Variants in SMG1 observed in about 807,000 individuals in gnomAD.
The protein encoded by SMG1 is SMG1 nonsense mediated mRNA decay associated PI3K related kinase.
SMG1 carries 22 observed loss-of-function variants against 419.9 expected under a neutral mutation model. That is an observed-to-expected ratio of 0.05 (90% CI 0.04 to 0.07). SMG1 has a LOEUF of 0.07. SMG1 is among the 10% of genes least tolerant of loss of function. The pLI is 1.00. For synonymous variants in SMG1, 1,538 were observed against 1,553.5 expected (o/e 0.99, Z 0.23); for missense variants, 3,185 against 4,342.0 (o/e 0.73, Z 7.49).
At chr16:18,898,900 GA>G (rs1186960739) in intron 1 of SMG1, among the ~76,000 whole-genome samples, 2 of 152,148 alleles carry the variant, frequency 1.3e-5, no homozygotes, top group Non-Finnish European at 2.9e-5. Context: ...CTCCAGCACT[GA>G]AAAGTATGTG....
chr16:18,879,467 T>G (rs1284941909), intron 11 of SMG1, 28 bp downstream of exon 11: 2 of 809,396 alleles, frequency 2.5e-6, no homozygotes, highest in Non-Finnish European at 2.1e-6. Context: ...AACCAACACA[T>G]TAAAAAGGAA....
At chr16:18,857,546 GATAATCACTA>G (rs1412992083) in intron 29 of SMG1, 3 of 152,118 alleles carry the variant, frequency 2.0e-5, no homozygotes, top group African/African-American at 7.2e-5. Context: ...AAAATTATGA[GATAATCACTA>G]ATAATCACTA....
At chr16:18,860,267 T>C (rs2035146182) in intron 26 of SMG1, among the ~76,000 whole-genome samples, 1 of 152,306 alleles carries the variant, frequency 6.6e-6, no homozygotes, top group East Asian at 1.9e-4. Context: ...GGGACAAATC[T>C]AGACCTGCAT....
In SMG1 at chr16:18,850,395, G is replaced by T. The variant is rs369899659; in HGVS notation, c.5125C>A (p.Arg1709Ser). The stretch of plus-strand genomic sequence containing the variant: ...CATGGGCAGCTTGATATCAACTGAC[G>T]CCAGATAACATCAACCATGTCATCT... ...EEDDMVDVIW[R>S]QLISSCPWLS... The change falls in exon 34 of 63, where the codon CGT becomes AGT. Residue 1709 changes from arginine to serine, a missense_variant. This residue lies in a region of SMG1 where 493 missense variants were observed against 552.9 expected (regional missense o/e 0.89). Transcript: ENST00000446231. 7 of 1,613,726 alleles carry T rather than the reference G, an allele frequency of 4.3e-6. No individual in the cohort carries two copies. In the African/African-American group the frequency reaches 8.0e-5, roughly 18 times the overall value.
At position 18,805,173 on chromosome 16, in the gene SMG1, ATGT is replaced by A. The variant is rs1409524218; in HGVS notation, c.*4393_*4395del. Reference sequence around the variant, plus strand: ...TAAATTAACAAGTAAGTGAAGTATGATGTTGTTGCCACTGACATTACAGGTGGA... The same window carrying A: ...TAAATTAACAAGTAAGTGAAGTATGATGTTGCCACTGACATTACAGGTGGA... On this transcript the variant is annotated 3_prime_UTR_variant, in exon 63 of 63. Coordinates refer to ENST00000446231, the MANE Select transcript of SMG1 (RefSeq NM_015092.5). 1 of 152,306 alleles carries A rather than the reference ATGT, an allele frequency of 6.6e-6. No homozygotes were observed. Among genetic ancestry groups the A allele is most frequent in the East Asian group, 1.9e-4 (1 of 5,202 alleles). The allele number at this position is 152,306 out of a possible 1,614,324, so 9.4% of individuals were successfully genotyped here. A position where few individuals can be genotyped will look rare whatever the true frequency, so the allele number is the denominator to read the frequency against.
chr16:18,860,616 T>C lies in SMG1; in HGVS notation c.3805+51A>G, dbSNP rs550299093. ...CCAGTAAAATATACTAAGCCAAACATTTTGAGCAACTTGTCCACTAAAATA... is the reference window on the plus strand; with the variant it reads ...CCAGTAAAATATACTAAGCCAAACACTTTGAGCAACTTGTCCACTAAAATA... On this transcript the variant is annotated intron_variant, in intron 26 of 62. Transcript: ENST00000446231. 28 of 787,766 alleles carry C rather than the reference T, an allele frequency of 3.6e-5. No homozygotes were observed. In the East Asian group the frequency reaches 6.9e-4, roughly 19 times the overall value. The allele number at this position is 787,766 out of a possible 1,614,324, so 48.8% of individuals were successfully genotyped here. A position where few individuals can be genotyped will look rare whatever the true frequency, so the allele number is the denominator to read the frequency against.
chr16:18,833,274 T>C lies in SMG1; in HGVS notation c.8566-108A>G, dbSNP rs1228507090. On this transcript the variant is annotated intron_variant, in intron 50 of 62. Coordinates refer to ENST00000446231, the MANE Select transcript of SMG1 (RefSeq NM_015092.5). ...AGAGCAAACTTATGTAACTATGCCATCAACTCATTCATGTAAGTACATCTT... is the reference window on the plus strand; with the variant it reads ...AGAGCAAACTTATGTAACTATGCCACCAACTCATTCATGTAAGTACATCTT... The C allele has an allele frequency of 7.5e-6, 5 of 667,752 alleles. No homozygotes were observed. The African/African-American group carries it at 9.1e-5, about 12-fold the overall frequency. The allele number at this position is 667,752 out of a possible 1,614,324, so 41.4% of individuals were successfully genotyped here.
intron 55 of SMG1, among the ~76,000 whole-genome samples, chr16:18,827,448 A>C (rs900447526): frequency 6.9e-6 from 1 of 145,174 alleles, no homozygotes; most frequent in Non-Finnish European, 1.5e-5. Context: ...ATATAGGTAT[A>C]AATATACCTA....
chr16:18,895,128 C>T (rs1340428423), intron 3 of SMG1, among the ~76,000 whole-genome samples: 3 of 152,154 alleles, frequency 2.0e-5, no homozygotes, highest in Non-Finnish European at 4.4e-5. Flanking sequence ...ATCCTCTGAA[C>T]TTCCAAGGCA....
chr16:18,859,096 G>C lies in SMG1; in HGVS notation c.4039C>G (p.Pro1347Ala), dbSNP rs1169265018. ...LSTLTVSQSL[P>A]VLSTLQLYCS... ...TACAGCTGCAAGGTACTTAGAACTG[G>C]CAAAGACTGTGAAACTGTTAAAGTA... is the stretch of plus-strand genomic sequence containing the variant. The change falls in exon 28 of 63, where the codon CCA becomes GCA. Residue 1347 changes from proline (P) to alanine (A), a missense_variant. Transcript: ENST00000446231. 9 of 1,529,338 alleles carry C rather than the reference G, an allele frequency of 5.9e-6. No individual in the cohort carries two copies. Among genetic ancestry groups the C allele is most frequent in the Non-Finnish European group, 7.9e-6 (9 of 1,141,100 alleles). The allele number at this position is 1,529,338 out of a possible 1,614,324, so 94.7% of individuals were successfully genotyped here.
chr16:18,805,123 T>C lies in SMG1; in HGVS notation c.*4446A>G, dbSNP rs996359503. ...CAAGGAAGATTCAGTTCAACTCAAC[T>C]TGCTCTTAGAATAAGGGTAAAAAGT... On this transcript the variant is annotated 3_prime_UTR_variant, in exon 63 of 63. Transcript: ENST00000446231. 1 of 152,580 alleles carries C rather than the reference T, an allele frequency of 6.6e-6. No individual in the cohort carries two copies. Among genetic ancestry groups the C allele is most frequent in the African/African-American group, 2.4e-5 (1 of 41,456 alleles). 9.5% of individuals were successfully genotyped at this position (152,580 alleles called of 1,614,324 possible).
At chr16:18,852,547 A>AT in intron 31 of SMG1, 85 bp from the exon 32 acceptor site, 1 of 1,231,368 alleles carries the variant, frequency 8.1e-7, no homozygotes. Flanking sequence ...TTCCATTAGC[A>AT]TTTTAGGTTT....
chr16:18,902,881 G>A (rs575631826), intron 1 of SMG1, among the ~76,000 whole-genome samples: 12 of 152,168 alleles, frequency 7.9e-5, no homozygotes, highest in African/African-American at 2.4e-4. Context: ...TCACCCTGTC[G>A]CCCAGGCTAG....
At chr16:18,921,355 GAAAGA>G (rs764381974) in intron 1 of SMG1, among the ~76,000 whole-genome samples, 343 of 151,850 alleles carry the variant, frequency 2.3e-3, no homozygotes, top group African/African-American at 5.7e-3. Flanking sequence ...CAAAACAGAG[GAAAGA>G]AAAGAAAAGA....
In SMG1 at chr16:18,926,141, G is replaced by A; in HGVS notation, c.-100C>T. 3.6e-6 allele frequency: 4 copies of A among 1,107,040 alleles called. No homozygotes were observed. The highest frequency in any genetic ancestry group is 5.0e-6 in the Non-Finnish European group (4 of 802,828). 68.6% of individuals were successfully genotyped at this position (1,107,040 alleles called of 1,614,324 possible). A position where few individuals can be genotyped will look rare whatever the true frequency, so the allele number is the denominator to read the frequency against. ...CGACACCCCGCTCCGGCCCGGGGCT[G>A]AGGAGGAAGCCGAGAAGGAGGAGGA... is the stretch of plus-strand genomic sequence containing the variant. On this transcript the variant is annotated 5_prime_UTR_variant, in exon 1 of 63. Transcript: ENST00000446231.
At position 18,842,454 on chromosome 16, in the gene SMG1, T is replaced by A. The variant is rs777673638; in HGVS notation, c.6220A>T (p.Ile2074Leu). 6.2e-7 allele frequency: 1 copy of A among 1,612,218 alleles called. No individual in the cohort carries two copies. The highest frequency in any genetic ancestry group is 1.7e-5 in the Admixed American group (1 of 59,952). ...GCTCTCTGTTGCAAACTTAGCATTA[T>A]CTATATTCATAAGATGGGAGAAACA... ...PGSSWIPFKE[I>L]MLSLQQRAQK... Residue 2074 changes from isoleucine to leucine, a missense_variant and splice_region_variant, in exon 40 of 63, where the codon ATA (isoleucine) becomes TTA (leucine). By Grantham distance (5) the Ile-to-Leu change is conservative. Transcript: ENST00000446231.
intron 10 of SMG1, among the ~76,000 whole-genome samples, chr16:18,881,406 G>A (rs879412893): frequency 5.3e-5 from 8 of 152,084 alleles, no homozygotes; most frequent in Non-Finnish European, 8.8e-5. Flanking sequence ...GCTCAAGTAC[G>A]CAACTTACTA....
intron 43 of SMG1, 29 bp from the exon 44 acceptor site, chr16:18,838,495 C>A (rs777587074): frequency 3.7e-6 from 6 of 1,613,870 alleles, no homozygotes; most frequent in African/African-American, 1.3e-5. Context: ...TATATTTTTG[C>A]CCTTTCACCA....
chr16:18,865,650 T>C (rs2035459248), intron 23 of SMG1, among the ~76,000 whole-genome samples: 1 of 151,792 alleles, frequency 6.6e-6, no homozygotes, highest in Non-Finnish European at 1.5e-5. Flanking sequence ...CTGTAGAATA[T>C]TTAACATGGC....
Sources: allele counts gnomAD v4.1 joint callset (sites outside exome capture counted in the v4.1 genomes callset), GRCh38; gene constraint gnomAD v4.1.1; regional missense constraint gnomAD v4.1.1; transcripts MANE v1.5; gene names NCBI Gene and HGNC (gene_info 2026-07-23, HGNC 2026-07-21).